The following MIA2 variants were observed in gnomAD, a reference collection of about 807,000 sequenced individuals.
The protein encoded by MIA2 is melanoma inhibitory activity protein 2.
In MIA2, 127 loss-of-function variants were observed where a neutral mutation model predicts 167.8. That is an observed-to-expected ratio of 0.76 (90% CI 0.66 to 0.88). The LOEUF (loss-of-function observed/expected upper bound fraction) is 0.88. Ranked by LOEUF, MIA2 falls within the 40% of genes least tolerant of loss-of-function variation. The pLI is 0.00. For missense variants in MIA2, 1,690 were observed against 1,624.7 expected (o/e 1.04, Z -0.69); for synonymous variants, 552 against 541.9 (o/e 1.02, Z -0.26).
At chr14:39,301,092 A>G (rs1159926139) in intron 14 of MIA2, among the ~76,000 whole-genome samples, 1 of 151,254 alleles carries the variant, frequency 6.6e-6, no homozygotes, top group Non-Finnish European at 1.5e-5. Flanking sequence ...TGGACTTTCA[A>G]TCTTGTCACC....
intron 14 of MIA2, among the ~76,000 whole-genome samples, chr14:39,300,537 A>G (rs1023463005): frequency 6.6e-6 from 1 of 151,864 alleles, no homozygotes; most frequent in Non-Finnish European, 1.5e-5. Context: ...ATGTAAAACT[A>G]ACGTTCTATA....
At chr14:39,376,233 A>G (rs1330783426) in intron 23 of MIA2, among the ~76,000 whole-genome samples, 4 of 152,098 alleles carry the variant, frequency 2.6e-5, no homozygotes, top group African/African-American at 9.7e-5. Flanking sequence ...GGATTACAGG[A>G]GTGAGCCACT....
chr14:39,241,739 T>G (rs1363999022), intron 3 of MIA2, among the ~76,000 whole-genome samples: 1 of 152,242 alleles, frequency 6.6e-6, no homozygotes, highest in African/African-American at 2.4e-5. Flanking sequence ...TCTGATTATG[T>G]CATTCCTTTG....
rs1244691546 is a variant in MIA2, at chr14:39,288,472, TATA to T, written c.2131-2546_2131-2544del. The stretch of plus-strand genomic sequence containing the variant: ...ATATATATATATATATATATATATA[TATA>T]TTTTTTTTTTTTTTTTTGAGACGGA... On this transcript the variant is annotated intron_variant, in intron 9 of 28. Coordinates refer to ENST00000640607, the MANE Select transcript of MIA2 (RefSeq NM_001329214.4). Among the ~76,000 whole-genome samples the T allele has an allele frequency of 3.6e-3, 184 of 50,490 alleles. 2 individuals carry two copies. Among genetic ancestry groups the T allele is most frequent in the Non-Finnish European group, 4.6e-3 (133 of 28,946 alleles). 33.1% of individuals were successfully genotyped at this position (50,490 alleles called of 152,430 possible).
intron 18 of MIA2, 36 bp from the exon 19 acceptor site, chr14:39,313,304 T>C (rs562788420): frequency 1.9e-6 from 2 of 1,067,088 alleles, no homozygotes; most frequent in East Asian, 2.4e-5. Context: ...TCTTTTGACA[T>C]GTATTAAGAG....
intron 19 of MIA2, among the ~76,000 whole-genome samples, chr14:39,314,432 ATTC>A (rs1167729103): frequency 2.6e-5 from 4 of 151,658 alleles, no homozygotes; most frequent in Non-Finnish European, 5.9e-5. Context: ...TTCTAGGATC[ATTC>A]TTCTTAAAAA....
At chr14:39,344,663 C>T (rs2072807436) in intron 25 of MIA2, among the ~76,000 whole-genome samples, 1 of 152,130 alleles carries the variant, frequency 6.6e-6, no homozygotes, top group Non-Finnish European at 1.5e-5. Flanking sequence ...AACACTGATT[C>T]TATAAAGTCA....
In MIA2 at chr14:39,247,552, G is replaced by T; in HGVS notation, c.978G>T (p.Gly326=). The T allele has an allele frequency of 1.2e-6, 2 of 1,614,022 alleles. No individual in the cohort carries two copies. The highest frequency in any genetic ancestry group is 1.7e-6 in the Non-Finnish European group (2 of 1,180,008). The change falls in exon 4 of 29, where the codon GGG becomes GGT. Residue 326 remains glycine (G), a synonymous_variant. Transcript: ENST00000640607. ...SYLGFGDEDT[G]LELIAEESNP... is the part of the protein sequence containing the mutation. ...TAGGTTTTGGAGATGAGGATACAGGGCTTGAATTAATAGCTGAAGAAAGCA... is the reference window on the plus strand; with the variant it reads ...TAGGTTTTGGAGATGAGGATACAGGTCTTGAATTAATAGCTGAAGAAAGCA...
At chr14:39,262,032 T>A (rs1046151979) in intron 6 of MIA2, among the ~76,000 whole-genome samples, 12 of 152,184 alleles carry the variant, frequency 7.9e-5, no homozygotes, top group African/African-American at 2.9e-4. Flanking sequence ...TTGTTGCCAT[T>A]GCTTTTGTTG....
intron 6 of MIA2, among the ~76,000 whole-genome samples, chr14:39,271,732 C>T (rs2057179276): frequency 6.6e-6 from 1 of 151,624 alleles, no homozygotes; most frequent in Admixed American, 6.6e-5. Context: ...GACTTCAAGA[C>T]CAGCCCGGGC....
At chr14:39,268,305 T>A (rs2056408627) in intron 6 of MIA2, among the ~76,000 whole-genome samples, 1 of 152,220 alleles carries the variant, frequency 6.6e-6, no homozygotes, top group African/African-American at 2.4e-5. Flanking sequence ...AAAGGTAGTG[T>A]TGCCATGGTG....
At chr14:39,385,350 A>G (rs1454742303) in intron 23 of MIA2, 6 of 892,658 alleles carry the variant, frequency 6.7e-6, no homozygotes, top group South Asian at 1.4e-5. Context: ...GGTTATACTC[A>G]CTTGCACAAA....
intron 6 of MIA2, among the ~76,000 whole-genome samples, chr14:39,270,446 G>A (rs996681312): frequency 1.3e-5 from 2 of 151,862 alleles, no homozygotes; most frequent in African/African-American, 4.8e-5. Flanking sequence ...TGATCCACCC[G>A]CCTCGGCCTC....
intron 6 of MIA2, among the ~76,000 whole-genome samples, chr14:39,254,934 A>T (rs1375879475): frequency 6.6e-6 from 1 of 152,198 alleles, no homozygotes; most frequent in African/African-American, 2.4e-5. Context: ...AGCATGGAGA[A>T]TTATAAGGAA....
chr14:39,291,207 C>A, intron 10 of MIA2, 111 bp downstream of exon 10: 1 of 834,526 alleles, frequency 1.2e-6, no homozygotes, highest in Non-Finnish European at 1.8e-6. Context: ...GAAAGAGCAT[C>A]TCTGGATGTT....
chr14:39,369,945 GC>G (rs1341279875), intron 23 of MIA2, among the ~76,000 whole-genome samples: 5 of 152,136 alleles, frequency 3.3e-5, no homozygotes, highest in Non-Finnish European at 7.3e-5. Flanking sequence ...AAAATTGGGG[GC>G]GATATATTGT....
chr14:39,348,900 C>T lies in MIA2; in HGVS notation c.3995C>T (p.Pro1332Leu). ...GGACCTCCTTTCCCCCCACCTCCTC[C>T]AGGAGCCATGTTTGGAGCTTCTCGA... The part of the protein sequence containing the change: ...RRGPPFPPPP[P>L]GAMFGASRDY... The change falls in exon 28 of 29, where the codon CCA becomes CTA. Residue 1332 changes from proline (P) to leucine (L), a missense_variant. Pro to Leu is a moderately conservative substitution (Grantham distance 98). Coordinates refer to ENST00000640607, the MANE Select transcript of MIA2 (RefSeq NM_001329214.4). The T allele has an allele frequency of 6.2e-7, 1 of 1,614,132 alleles. No individual in the cohort carries two copies. Among genetic ancestry groups the T allele is most frequent in the Non-Finnish European group, 8.5e-7 (1 of 1,180,002 alleles).
intron 6 of MIA2, chr14:39,266,116 A>C: frequency 1.0e-6 from 1 of 985,420 alleles, no homozygotes; most frequent in South Asian, 4.7e-5. Context: ...AAATTTCCTA[A>C]GGATTTAAGA....
chr14:39,333,708 T>C (rs1330471851), intron 25 of MIA2, among the ~76,000 whole-genome samples: 1 of 152,184 alleles, frequency 6.6e-6, no homozygotes. Flanking sequence ...CCTCCTGCTT[T>C]TGTTGATGCT....
Sources: allele counts gnomAD v4.1 joint callset (sites outside exome capture counted in the v4.1 genomes callset), GRCh38; gene constraint gnomAD v4.1.1; transcripts MANE v1.5; gene names NCBI Gene and HGNC (gene_info 2026-07-23, HGNC 2026-07-21).